Variants in CUX2 observed in about 807,000 individuals in gnomAD.
CUX2 encodes homeobox protein cut-like 2.
A neutral mutation model predicts 144.8 loss-of-function variants in CUX2; 40 were observed. The observed-to-expected ratio is 0.28, with a 90% CI of 0.21 to 0.36. The LOEUF is 0.36. CUX2 is among the 10% of genes least tolerant of loss of function. The pLI is 1.00. For synonymous variants in CUX2, 827 were observed against 875.6 expected (o/e 0.94, Z 0.98); for missense variants, 1,615 against 1,994.0 (o/e 0.81, Z 3.62).
At chr12:111,036,616 C>G (rs561602061) in intron 1 of CUX2, among the ~76,000 whole-genome samples, 1 of 149,248 alleles carries the variant, frequency 6.7e-6, no homozygotes, top group African/African-American at 2.5e-5. Context: ...TCCCAGCCTA[C>G]AGGGTGTATA....
intron 4 of CUX2, among the ~76,000 whole-genome samples, chr12:111,283,545 C>T (rs568560447): frequency 7.9e-5 from 12 of 152,242 alleles, no homozygotes; most frequent in African/African-American, 2.6e-4. Context: ...CTCAGATAAC[C>T]CCAGCATAAC....
Position 111,310,110 on chromosome 12 carries a change from A to C in CUX2, c.1328A>C (p.Gln443Pro), listed in dbSNP as rs1886808076. The C allele has an allele frequency of 2.0e-6, 3 of 1,465,928 alleles. No individual in the cohort carries two copies. Among genetic ancestry groups the C allele is most frequent in the East Asian group, 2.5e-5 (1 of 40,452 alleles). The allele number at this position is 1,465,928 out of a possible 1,614,324, so 90.8% of individuals were successfully genotyped here. A position where few individuals can be genotyped will look rare whatever the true frequency, so the allele number is the denominator to read the frequency against. Residue 443 changes from glutamine to proline, a missense_variant, in exon 15 of 22, where the codon CAG becomes CCG. By Grantham distance (76) the Gln-to-Pro change is moderately conservative. Transcript: ENST00000261726. This position sits in a 1 kb window ranked among gnomAD's most constrained non-coding sequence, Gnocchi z 7.9. ...ACGGAGCAGTCCTACCCCTCCCCTC[A>C]GCAGCTCCCACCTCCACCAGGGCCA... ...LGTEQSYPSP[Q>P]QLPPPPGPED...
intron 4 of CUX2, among the ~76,000 whole-genome samples, chr12:111,273,666 C>T (rs1222570136): frequency 6.6e-6 from 1 of 152,146 alleles, no homozygotes; most frequent in Non-Finnish European, 1.5e-5. Flanking sequence ...TCTGGGGAGA[C>T]AGTCACACAG....
At chr12:111,142,082 T>A (rs970027795) in intron 1 of CUX2, among the ~76,000 whole-genome samples, 1 of 151,866 alleles carries the variant, frequency 6.6e-6, no homozygotes, top group Non-Finnish European at 1.5e-5. Flanking sequence ...AGACTCCATC[T>A]CAAAAAAAAG....
At chr12:111,158,789 T>G (rs1877558641) in intron 1 of CUX2, among the ~76,000 whole-genome samples, 1 of 152,180 alleles carries the variant, frequency 6.6e-6, no homozygotes, top group Non-Finnish European at 1.5e-5. Flanking sequence ...GAGGGCAGTC[T>G]GTGATTTTTG....
At chr12:111,326,867 C>T (rs148507742) in intron 18 of CUX2, among the ~76,000 whole-genome samples, 1,738 of 152,256 alleles carry the variant, frequency 0.011, 88 homozygotes, top group East Asian at 0.11. Context: ...GGCACCACTG[C>T]ACTGCAGCCT....
At chr12:111,220,928 C>A (rs1470608360) in intron 3 of CUX2, among the ~76,000 whole-genome samples, 17 of 134,588 alleles carry the variant, frequency 1.3e-4, no homozygotes, top group African/African-American at 4.6e-4. Context: ...AGAGCGAGAC[C>A]TGGTCTCTTA....
chr12:111,054,523 A>T (rs1384128161), intron 1 of CUX2, among the ~76,000 whole-genome samples: 1 of 152,090 alleles, frequency 6.6e-6, no homozygotes, highest in Non-Finnish European at 1.5e-5. Flanking sequence ...TTTTATTTTT[A>T]TTTATTTCTA....
chr12:111,126,455 C>G (rs1200134243), intron 1 of CUX2, among the ~76,000 whole-genome samples: 1 of 152,166 alleles, frequency 6.6e-6, no homozygotes, highest in Non-Finnish European at 1.5e-5. Flanking sequence ...TAATTCCACT[C>G]TGAAGGCCAG....
At chr12:111,049,149 CCTTCCATCCATCCATTCATGAATT>C (rs1870140087) in intron 1 of CUX2, among the ~76,000 whole-genome samples, 2 of 152,076 alleles carry the variant, frequency 1.3e-5, no homozygotes, top group African/African-American at 2.4e-5. Context: ...ATCCATGAAT[CCTTCCATCCATCCATTCATGAATT>C]CATCCATCCA....
chr12:111,131,763 C>A (rs978450055), intron 1 of CUX2, among the ~76,000 whole-genome samples: 2 of 152,196 alleles, frequency 1.3e-5, no homozygotes, highest in African/African-American at 4.8e-5. Context: ...GATCTCACAT[C>A]CAGGTCATGT....
At position 111,096,014 on chromosome 12, in the gene CUX2, G is replaced by A. The variant is rs150368465; in HGVS notation, c.63+61774G>A. ...CCCTTGTGCAAGTCCGAGCCTCCTC[G>A]AGCAAGGGCTCAGAGGCTGACAGGG... On this transcript the variant is annotated intron_variant, in intron 1 of 21. Coordinates refer to ENST00000261726, the MANE Select transcript of CUX2 (RefSeq NM_015267.4). Among the ~76,000 whole-genome samples the A allele has an allele frequency of 5.4e-3, 816 of 152,290 alleles. 9 individuals are homozygous for A. The highest frequency in any genetic ancestry group is 0.018 in the African/African-American group (767 of 41,552).
intron 1 of CUX2, among the ~76,000 whole-genome samples, chr12:111,107,942 A>G (rs1873709318): frequency 6.6e-6 from 1 of 152,184 alleles, no homozygotes; most frequent in African/African-American, 2.4e-5. Flanking sequence ...CCATTACATA[A>G]TGGACTGACC....
chr12:111,127,598 CTT>C (rs1875173620), intron 1 of CUX2, among the ~76,000 whole-genome samples: 1 of 152,236 alleles, frequency 6.6e-6, no homozygotes, highest in Admixed American at 6.5e-5. Context: ...TAGAAACAGT[CTT>C]TTCTCTGGAA....
In CUX2 at chr12:111,134,618, C is replaced by CTG. The variant is rs773865569; in HGVS notation, c.64-79581_64-79580insGT. On this transcript the variant is annotated intron_variant, in intron 1 of 21. Coordinates refer to ENST00000261726, the MANE Select transcript of CUX2 (RefSeq NM_015267.4). ...TTTCTCTCTCTCTCTCTCTCTCTCT[C>CTG]TCTGTGTGTGTGTGTGTGTGTGTGT... 7.4e-3 allele frequency among the ~76,000 whole-genome samples: 1,075 copies of CTG among 146,164 alleles called. 8 individuals are homozygous for CTG. The highest frequency in any genetic ancestry group is 0.024 in the African/African-American group (882 of 36,726).
chr12:111,093,648 C>T (rs890562976), intron 1 of CUX2, among the ~76,000 whole-genome samples: 1 of 152,036 alleles, frequency 6.6e-6, no homozygotes, highest in Admixed American at 6.5e-5. Flanking sequence ...GACGGGGGGG[C>T]GATGAACACC....
At position 111,307,056 on chromosome 12, in the gene CUX2, G is replaced by T. The variant is rs766521721; in HGVS notation, c.994G>T (p.Ala332Ser). 7 of 1,613,522 alleles carry T rather than the reference G, an allele frequency of 4.3e-6. No individual in the cohort carries two copies. The Admixed American group carries it at 8.3e-5, about 19-fold the overall frequency. The part of the protein sequence containing the change: ...SSLQELEEAS[A>S]NQIADLERQL... ...ACTGCAGGAGCTGGAGGAGGCATCC[G>T]CCAACCAGATCGCCGACCTGGAGCG... Residue 332 changes from alanine to serine, a missense_variant, in exon 11 of 22, where the codon GCC becomes TCC. By Grantham distance (99) the Ala-to-Ser change is moderately conservative. Transcript: ENST00000261726. The surrounding 1 kb of genome is among the most constrained non-coding windows in gnomAD (Gnocchi z 4.1).
At chr12:111,298,461 AG>A in intron 8 of CUX2, 79 bp from the exon 9 acceptor site, 1 of 1,449,378 alleles carries the variant, frequency 6.9e-7, no homozygotes, top group Non-Finnish European at 9.4e-7. Context: ...GGGCTCAGGC[AG>A]GGGCTGGGGG....
chr12:111,307,268 G>A lies in CUX2; in HGVS notation c.1109+11G>A. The A allele has an allele frequency of 6.2e-7, 1 of 1,613,634 alleles. No individual in the cohort carries two copies. The highest frequency in any genetic ancestry group is 8.5e-7 in the Non-Finnish European group (1 of 1,179,788). On this transcript the variant is annotated intron_variant, in intron 12 of 21. Transcript: ENST00000261726. The surrounding 1 kb of genome is among the most constrained non-coding windows in gnomAD (Gnocchi z 4.1). ...TAAAACGGAGCTGAGGTACCATGTG[G>A]GGTGGGGCTCCACAGACCCTCAGTG...
Sources: allele counts gnomAD v4.1 joint callset (sites outside exome capture counted in the v4.1 genomes callset), GRCh38; gene constraint gnomAD v4.1.1; non-coding constraint Gnocchi (gnomAD v3.1); transcripts MANE v1.5; gene names NCBI Gene and HGNC (gene_info 2026-07-23, HGNC 2026-07-21).